The following APBB1IP variants were observed in gnomAD, a reference collection of about 807,000 sequenced individuals.
The protein encoded by APBB1IP is amyloid beta precursor protein binding family B member 1 interacting protein.
APBB1IP carries 27 observed loss-of-function variants against 64.9 expected under a neutral mutation model. That is an observed-to-expected ratio of 0.42 (90% CI 0.31 to 0.57). The LOEUF (loss-of-function observed/expected upper bound fraction) is 0.57, where lower values mean the gene tolerates loss of function less well. Ranked by LOEUF, APBB1IP falls within the 20% of genes least tolerant of loss-of-function variation. The pLI is 0.20. For missense variants in APBB1IP, 812 were observed against 845.5 expected, an observed-to-expected ratio of 0.96 and a Z score of 0.49; for synonymous variants, 392 against 331.0, an observed-to-expected ratio of 1.18 and a Z score of -2.00.
intron 8 of APBB1IP, among the ~76,000 whole-genome samples, chr10:26,527,756 G>A (rs1001557541): frequency 8.0e-5 from 11 of 138,132 alleles, no homozygotes; most frequent in Non-Finnish European, 1.1e-4. Flanking sequence ...GCAATGGCAC[G>A]ATCTCGGCTC....
intron 11 of APBB1IP, among the ~76,000 whole-genome samples, chr10:26,556,110 G>T (rs1467924273): frequency 1.3e-5 from 2 of 152,156 alleles, no homozygotes; most frequent in African/African-American, 4.8e-5. Context: ...ACCTCTGTGT[G>T]CTGTTCTCAT....
intron 2 of APBB1IP, among the ~76,000 whole-genome samples, chr10:26,469,258 C>CTTTTTTTTTTT (rs386361721): frequency 1.5e-4 from 17 of 112,926 alleles, no homozygotes; most frequent in South Asian, 5.8e-4. Flanking sequence ...CTTTTCTTTT[C>CTTTTTTTTTTT]TTTTTTTTTT....
Position 26,479,251 on chromosome 10 carries a change from C to T in APBB1IP, c.1-13076C>T, listed in dbSNP as rs1403484684. On this transcript the variant is annotated intron_variant, in intron 2 of 14. Transcript: ENST00000376236. ...CGGAGCTTGCAGTGAGCCGAGATCC[C>T]GCCACTGCACTCCAGCCTGGGCGAC... Among the ~76,000 whole-genome samples the T allele has an allele frequency of 6.8e-4, 2 of 2,938 alleles. 1 individual carries two copies. The highest frequency in any genetic ancestry group is 8.8e-4 in the Non-Finnish European group (2 of 2,268). The allele number at this position is 2,938 out of a possible 152,430, so 1.9% of individuals were successfully genotyped here.
chr10:26,441,783 G>A (rs1409347323), intron 2 of APBB1IP, among the ~76,000 whole-genome samples: 1 of 152,096 alleles, frequency 6.6e-6, no homozygotes, highest in East Asian at 1.9e-4. Flanking sequence ...CCATGAACTT[G>A]AATAATTAAG....
At chr10:26,446,031 C>T (rs986315537) in intron 2 of APBB1IP, among the ~76,000 whole-genome samples, 3 of 152,204 alleles carry the variant, frequency 2.0e-5, no homozygotes, top group African/African-American at 7.2e-5. Flanking sequence ...GAAGTTCAGT[C>T]TTTCAAGTGT....
In APBB1IP at chr10:26,520,096, G is replaced by C. The variant is rs1836384607; in HGVS notation, c.813+6436G>C. ...AGAGGACAAGGCAAGGGAATTGCTT[G>C]AGCACAAGATGTCAAGACCAGCCTG... On this transcript the variant is annotated intron_variant, in intron 8 of 14. Transcript: ENST00000376236. 2.6e-5 allele frequency among the ~76,000 whole-genome samples: 4 copies of C among 152,176 alleles called. No homozygotes were observed. In the South Asian group the frequency reaches 8.3e-4, roughly 32 times the overall value.
intron 2 of APBB1IP, among the ~76,000 whole-genome samples, chr10:26,455,866 C>T (rs1835519206): frequency 6.6e-6 from 1 of 152,116 alleles, no homozygotes; most frequent in Non-Finnish European, 1.5e-5. Context: ...TTCATACCGG[C>T]ATAATTTGTA....
intron 2 of APBB1IP, among the ~76,000 whole-genome samples, chr10:26,474,353 T>C (rs1835753008): frequency 6.6e-6 from 1 of 152,212 alleles, no homozygotes; most frequent in Admixed American, 6.5e-5. Context: ...GCTTGGAATC[T>C]TTAGCAAATA....
chr10:26,549,654 T>C (rs1416291888), intron 11 of APBB1IP, among the ~76,000 whole-genome samples: 2 of 152,062 alleles, frequency 1.3e-5, no homozygotes, highest in Non-Finnish European at 2.9e-5. Flanking sequence ...TAGTATCAGT[T>C]GTAATGTCTT....
chr10:26,510,728 C>A (rs965550116), intron 6 of APBB1IP, among the ~76,000 whole-genome samples: 1 of 112,370 alleles, frequency 8.9e-6, no homozygotes, highest in African/African-American at 3.6e-5. Flanking sequence ...AGAGCAAGAC[C>A]CTGTCTCACA....
chr10:26,509,889 G>C (rs985601008), intron 6 of APBB1IP, among the ~76,000 whole-genome samples: 4 of 152,184 alleles, frequency 2.6e-5, no homozygotes, highest in African/African-American at 9.7e-5. Flanking sequence ...AAGCCTAGCT[G>C]CATAACTTCA....
intron 8 of APBB1IP, among the ~76,000 whole-genome samples, chr10:26,519,243 A>T (rs1207176328): frequency 6.6e-6 from 1 of 152,130 alleles, no homozygotes; most frequent in African/African-American, 2.4e-5. Context: ...GTGAGCCAAG[A>T]TCGTGCCACT....
intron 3 of APBB1IP, among the ~76,000 whole-genome samples, chr10:26,493,730 A>G (rs1273267676): frequency 6.6e-6 from 1 of 152,214 alleles, no homozygotes; most frequent in Non-Finnish European, 1.5e-5. Context: ...ATATTTACCA[A>G]TAGAGAAATT....
intron 13 of APBB1IP, among the ~76,000 whole-genome samples, 168 bp downstream of exon 13, chr10:26,561,012 C>T (rs898548142): frequency 6.6e-6 from 1 of 151,480 alleles, no homozygotes; most frequent in Non-Finnish European, 1.5e-5. Flanking sequence ...CTCACACACA[C>T]ACCCCTATAA....
intron 3 of APBB1IP, among the ~76,000 whole-genome samples, chr10:26,493,399 A>G (rs1434271996): frequency 6.6e-6 from 1 of 152,228 alleles, no homozygotes; most frequent in African/African-American, 2.4e-5. Context: ...GGGAAATGAT[A>G]AATGTCCATG....
intron 10 of APBB1IP, among the ~76,000 whole-genome samples, chr10:26,540,969 A>G (rs1455381379): frequency 1.3e-5 from 2 of 150,974 alleles, no homozygotes; most frequent in African/African-American, 4.9e-5. Flanking sequence ...CGCAAAATCC[A>G]TCACGGACTT....
At position 26,562,361 on chromosome 10, in the gene APBB1IP, A is replaced by AT. The variant is rs1283240691; in HGVS notation, c.1407dup (p.Pro470SerfsTer19). On this transcript the variant is annotated frameshift_variant, in exon 14 of 15. Transcript: ENST00000376236. LOFTEE classifies it high-confidence loss of function. Reference sequence around the variant, plus strand: ...AGGCACCACCCAGCCCAATGGACAGATTCCCCAGGCTACACATTCTGTCAG... The same window carrying AT: ...AGGCACCACCCAGCCCAATGGACAGATTTCCCCAGGCTACACATTCTGTCAG... The AT allele has an allele frequency of 1.2e-6, 2 of 1,613,970 alleles. No individual in the cohort carries two copies. The highest frequency in any genetic ancestry group is 1.7e-6 in the Non-Finnish European group (2 of 1,179,908).
chr10:26,502,417 G>A (rs372545714), intron 5 of APBB1IP, among the ~76,000 whole-genome samples: 21 of 152,260 alleles, frequency 1.4e-4, no homozygotes, highest in Admixed American at 7.8e-4. Flanking sequence ...CGAGGTGGAC[G>A]GGTCATGAGG....
Position 26,441,416 on chromosome 10 carries a change from C to A in APBB1IP, c.-1+2563C>A, listed in dbSNP as rs1025215883. 2.8e-4 allele frequency among the ~76,000 whole-genome samples: 43 copies of A among 152,038 alleles called. 1 individual carries two copies. Among genetic ancestry groups the A allele is most frequent in the African/African-American group, 1.0e-3 (43 of 41,384 alleles). On this transcript the variant is annotated intron_variant, in intron 2 of 14. Transcript: ENST00000376236. ...TGAAGGAATGCCATTACACCTATACCCAGTTAAAGAGACTAGATTGTACCT... is the reference window on the plus strand; with the variant it reads ...TGAAGGAATGCCATTACACCTATACACAGTTAAAGAGACTAGATTGTACCT...
Sources: allele counts gnomAD v4.1 joint callset (sites outside exome capture counted in the v4.1 genomes callset), GRCh38; gene constraint gnomAD v4.1.1; transcripts MANE v1.5; gene names NCBI Gene and HGNC (gene_info 2026-07-23, HGNC 2026-07-21).